ADCY5: variants seen among roughly 807,000 people sequenced by gnomAD.
ADCY5 encodes the protein adenylate cyclase type 5.
In ADCY5, 30 loss-of-function variants were observed where a neutral mutation model predicts 119.7. The ratio of observed to expected loss-of-function variants is 0.25; its 90% CI spans 0.19 to 0.34. The LOEUF (loss-of-function observed/expected upper bound fraction) is 0.34. Among genes scored for constraint, ADCY5 ranks in the 10% least tolerant of loss-of-function variants. ADCY5 has a pLI of 1.00. For synonymous variants in ADCY5, 753 were observed against 762.2 expected, an observed-to-expected ratio of 0.99 and a Z score of 0.20; for missense variants, 1,324 against 1,775.2, an observed-to-expected ratio of 0.75 and a Z score of 4.57.
chr3:123,439,086 T>TTTTTTTTTTTTTTTTTTTTG (rs1559879402), intron 1 of ADCY5, among the ~76,000 whole-genome samples: 2 of 141,986 alleles, frequency 1.4e-5, no homozygotes, highest in Admixed American at 7.1e-5. Flanking sequence ...CTTTTTTTTT[T>TTTTTTTTTTTTTTTTTTTTG]GAGATGGAGT....
In ADCY5 at chr3:123,374,853, T is replaced by A. The variant is rs148636976; in HGVS notation, c.1135-22272A>T. Among the ~76,000 whole-genome samples the A allele has an allele frequency of 5.1e-3, 775 of 152,288 alleles. 8 individuals are homozygous for A. The highest frequency in any genetic ancestry group is 0.018 in the African/African-American group (745 of 41,564). ...CTGACCCACCCAAGCCTGGGGAAAC[T>A]TGAATGTTTATGGAGACCTTGACAG... On this transcript the variant is annotated intron_variant, in intron 1 of 20. Coordinates refer to ENST00000462833, the MANE Select transcript of ADCY5 (RefSeq NM_183357.3).
rs767294732 is a variant in ADCY5, at chr3:123,296,109, C to T, written c.3038G>A (p.Arg1013His). ...LHAQQVESTA[R>H]LDFLWKLQAT... ...CTGCAGTTTCCAGAGGAAGTCGAGGCGGGCAGTGGACTCCACCTGCTGGGC... is the reference window on the plus strand; with the variant it reads ...CTGCAGTTTCCAGAGGAAGTCGAGGTGGGCAGTGGACTCCACCTGCTGGGC... Residue 1013 changes from arginine to histidine, a missense_variant, in exon 17 of 21, where the codon CGC becomes CAC. Around this residue, in one of 6 missense-constraint regions of ADCY5, gnomAD observed 14 missense variants for 24.4 expected, o/e 0.57. Transcript: ENST00000462833. 3.1e-6 allele frequency: 5 copies of T among 1,613,972 alleles called. No individual in the cohort carries two copies. The highest frequency in any genetic ancestry group is 3.4e-6 in the Non-Finnish European group (4 of 1,179,938).
At chr3:123,434,893 C>G (rs368514916) in intron 1 of ADCY5, among the ~76,000 whole-genome samples, 1 of 152,170 alleles carries the variant, frequency 6.6e-6, no homozygotes, top group African/African-American at 2.4e-5. Context: ...CAAAAGGACC[C>G]GGGCCTAGGT....
chr3:123,374,009 T>C (rs1943736865), intron 1 of ADCY5, among the ~76,000 whole-genome samples: 1 of 152,102 alleles, frequency 6.6e-6, no homozygotes, highest in African/African-American at 2.4e-5. Context: ...GGCAGCACCA[T>C]GGGACATAAG....
chr3:123,370,305 G>A (rs1207434137), intron 1 of ADCY5, among the ~76,000 whole-genome samples: 1 of 152,150 alleles, frequency 6.6e-6, no homozygotes, highest in East Asian at 1.9e-4. Context: ...TTTTTAAAAG[G>A]CTGTGGCAGA....
At position 123,328,680 on chromosome 3, in the gene ADCY5, G is replaced by A. The variant is rs768644540; in HGVS notation, c.1769C>T (p.Thr590Met). 6 of 1,614,186 alleles carry A rather than the reference G, an allele frequency of 3.7e-6. No homozygotes were observed. The highest frequency in any genetic ancestry group is 1.1e-5 in the South Asian group (1 of 91,082). The stretch of plus-strand genomic sequence containing the variant: ...GCCAGCCTCCATGTGGTTGGCTAGC[G>A]TGACATCGTTAGACCAGACGTCGAA... ...WQFDVWSNDV[T>M]LANHMEAGGK... Residue 590 changes from threonine (T) to methionine (M), a missense_variant, in exon 6 of 21, where the codon ACG (threonine) becomes ATG (methionine). Physicochemically the swap from Thr to Met is moderately conservative, Grantham distance 81. This residue lies in a region of ADCY5 where 123 missense variants were observed against 287.9 expected (regional missense o/e 0.43). Transcript: ENST00000462833.
At chr3:123,399,554 A>G (rs1371180387) in intron 1 of ADCY5, among the ~76,000 whole-genome samples, 1 of 152,002 alleles carries the variant, frequency 6.6e-6, no homozygotes, top group Non-Finnish European at 1.5e-5. Context: ...CGTAAAATCT[A>G]CCCTCTTAAC....
rs763942054 is a variant in ADCY5 at position 123,318,007 on chromosome 3, C to T, written c.2354+13G>A. The T allele has an allele frequency of 1.2e-5, 19 of 1,609,042 alleles. No individual in the cohort carries two copies. Among genetic ancestry groups the T allele is most frequent in the South Asian group, 6.6e-5 (6 of 90,972 alleles). Reference sequence around the variant, plus strand: ...GCCAGAGGAAGGAGCCCAAGAGGGACGGGGATACTCACTGGGGCACGATGG... The same window carrying T: ...GCCAGAGGAAGGAGCCCAAGAGGGATGGGGATACTCACTGGGGCACGATGG... On this transcript the variant is annotated intron_variant, in intron 11 of 20. Coordinates refer to ENST00000462833, the MANE Select transcript of ADCY5 (RefSeq NM_183357.3).
intron 1 of ADCY5, among the ~76,000 whole-genome samples, chr3:123,421,466 A>C (rs371362706): frequency 6.6e-6 from 1 of 152,210 alleles, no homozygotes; most frequent in Non-Finnish European, 1.5e-5. Context: ...GGTTCTGAGC[A>C]GCACAGACAT....
chr3:123,416,735 C>T (rs1945192467), intron 1 of ADCY5, among the ~76,000 whole-genome samples: 1 of 152,150 alleles, frequency 6.6e-6, no homozygotes, highest in Non-Finnish European at 1.5e-5. Flanking sequence ...CTCACTGCCC[C>T]ATTACGGACC....
At chr3:123,339,575 C>A (rs1942180732) in intron 3 of ADCY5, among the ~76,000 whole-genome samples, 1 of 152,298 alleles carries the variant, frequency 6.6e-6, no homozygotes, top group Admixed American at 6.5e-5. Flanking sequence ...GACAACCGTG[C>A]TCTCTCCACT....
rs185168189 is a variant in ADCY5, at chr3:123,333,958, C to T, written c.1407-1283G>A. The stretch of plus-strand genomic sequence containing the variant: ...TCAGCGTCCCTGGAAGCCCCCAATT[C>T]CTCCTTCCCAGTTCCTCAGTGCACC... On this transcript the variant is annotated intron_variant, in intron 3 of 20. Coordinates refer to ENST00000462833, the MANE Select transcript of ADCY5 (RefSeq NM_183357.3). 7.0e-3 allele frequency among the ~76,000 whole-genome samples: 1,060 copies of T among 152,284 alleles called. 4 individuals carry two copies. Among genetic ancestry groups the T allele is most frequent in the African/African-American group, 0.015 (618 of 41,548 alleles).
chr3:123,290,194 G>T (rs914176035), intron 18 of ADCY5, among the ~76,000 whole-genome samples: 1 of 152,068 alleles, frequency 6.6e-6, no homozygotes, highest in Non-Finnish European at 1.5e-5. Context: ...CCACCCTCAC[G>T]CCAGGAGCCC....
chr3:123,435,789 G>A (rs1945598949), intron 1 of ADCY5, among the ~76,000 whole-genome samples: 1 of 151,086 alleles, frequency 6.6e-6, no homozygotes, highest in Admixed American at 6.6e-5. Flanking sequence ...GGGAGGCCAA[G>A]GTAGGTGGAT....
chr3:123,299,401 A>G (rs1279751283), intron 15 of ADCY5, among the ~76,000 whole-genome samples: 1 of 152,224 alleles, frequency 6.6e-6, no homozygotes, highest in Non-Finnish European at 1.5e-5. Flanking sequence ...CCATTTTACA[A>G]AGAAAAAATT....
In ADCY5 at chr3:123,422,389, T is replaced by C. The variant is rs117129078; in HGVS notation, c.1134+25023A>G. Among the ~76,000 whole-genome samples, 105 of 152,304 alleles carry C rather than the reference T, an allele frequency of 6.9e-4. 1 individual carries two copies. In the East Asian group the frequency reaches 0.02, roughly 29 times the overall value. On this transcript the variant is annotated intron_variant, in intron 1 of 20. Coordinates refer to ENST00000462833, the MANE Select transcript of ADCY5 (RefSeq NM_183357.3). The stretch of plus-strand genomic sequence containing the variant: ...CAGGGTGGTAGGTTAGGGTGTTTTA[T>C]ACAGATTAGTAAACAAATTCTCACA...
At chr3:123,329,162 A>C (rs1250478076) in intron 5 of ADCY5, among the ~76,000 whole-genome samples, 2 of 152,242 alleles carry the variant, frequency 1.3e-5, no homozygotes, top group African/African-American at 4.8e-5. Context: ...TAAACAGGGA[A>C]GTTACCACCA....
At chr3:123,398,441 G>A (rs1265277150) in intron 1 of ADCY5, among the ~76,000 whole-genome samples, 1 of 152,086 alleles carries the variant, frequency 6.6e-6, no homozygotes, top group African/African-American at 2.4e-5. Context: ...TGCAAGGACA[G>A]ATCTGAATAA....
At chr3:123,348,954 C>T (rs148435111) in intron 2 of ADCY5, among the ~76,000 whole-genome samples, 5 of 152,318 alleles carry the variant, frequency 3.3e-5, no homozygotes, top group East Asian at 3.9e-4. Context: ...ATCTCTGCTT[C>T]GTCTCCCTCC....
Sources: allele counts gnomAD v4.1 joint callset (sites outside exome capture counted in the v4.1 genomes callset), GRCh38; gene constraint gnomAD v4.1.1; regional missense constraint gnomAD v4.1.1; transcripts MANE v1.5; gene names NCBI Gene and HGNC (gene_info 2026-07-23, HGNC 2026-07-21).